The following FGD4 variants were observed in gnomAD, a reference collection of about 807,000 sequenced individuals.
FGD4 encodes FYVE, RhoGEF and PH domain-containing protein 4.
FGD4 carries 42 observed loss-of-function variants against 102.0 expected under a neutral mutation model. The ratio of observed to expected loss-of-function variants is 0.41; its 90% CI spans 0.32 to 0.53. The LOEUF is 0.53. FGD4 is among the 20% of genes least tolerant of loss of function. The probability of loss-of-function intolerance (pLI) is 0.21; values close to 1 mark genes in which losing one functional copy is unlikely to be tolerated. For missense variants in FGD4, 902 were observed against 1,078.2 expected (o/e 0.84, Z 2.29); for synonymous variants, 380 against 375.7 (o/e 1.01, Z -0.13).
At chr12:32,585,222 T>TATATATATATATATATA (rs1946909558) in intron 4 of FGD4, among the ~76,000 whole-genome samples, 1 of 116,142 alleles carries the variant, frequency 8.6e-6, no homozygotes, top group Non-Finnish European at 1.8e-5. Context: ...CTCAAAAATT[T>TATATATATATATATATA]TATATATATA....
intron 1 of FGD4, among the ~76,000 whole-genome samples, chr12:32,524,608 T>A (rs1940948013): frequency 6.6e-6 from 1 of 151,786 alleles, no homozygotes; most frequent in Non-Finnish European, 1.5e-5. Context: ...GAGGACCGCT[T>A]GAGCCTAGGA....
chr12:32,604,294 T>G (rs1948624519), intron 7 of FGD4, among the ~76,000 whole-genome samples: 1 of 152,164 alleles, frequency 6.6e-6, no homozygotes, highest in Non-Finnish European at 1.5e-5. Flanking sequence ...AAATATTTTC[T>G]GTCCTTTTCA....
intron 1 of FGD4, among the ~76,000 whole-genome samples, chr12:32,419,856 G>T (rs1023833344): frequency 6.6e-6 from 1 of 152,050 alleles, no homozygotes; most frequent in African/African-American, 2.4e-5. Flanking sequence ...GGGCAGCACT[G>T]AGTTCAAAGC....
chr12:32,485,582 A>G (rs1330604109), intron 1 of FGD4, among the ~76,000 whole-genome samples: 1 of 151,258 alleles, frequency 6.6e-6, no homozygotes, highest in Non-Finnish European at 1.5e-5. Flanking sequence ...CTGGGACTAC[A>G]GGCGCCTGCC....
At chr12:32,557,773 G>A (rs536451011) in intron 1 of FGD4, among the ~76,000 whole-genome samples, 2 of 152,088 alleles carry the variant, frequency 1.3e-5, no homozygotes, top group Non-Finnish European at 2.9e-5. Context: ...TAAACTATGA[G>A]TTTTATAACC....
intron 1 of FGD4, among the ~76,000 whole-genome samples, chr12:32,463,214 T>A (rs1189937548): frequency 6.6e-6 from 1 of 152,192 alleles, no homozygotes; most frequent in African/African-American, 2.4e-5. Flanking sequence ...TTCAAAACAA[T>A]AACCATTACC....
At chr12:32,493,384 C>T (rs1243744269) in intron 1 of FGD4, among the ~76,000 whole-genome samples, 1 of 152,150 alleles carries the variant, frequency 6.6e-6, no homozygotes, top group African/African-American at 2.4e-5. Context: ...TCCTTTGAGC[C>T]CTACTCTGTT....
intron 1 of FGD4, among the ~76,000 whole-genome samples, chr12:32,414,360 TACAGGCATGCA>T: frequency 6.6e-6 from 1 of 152,280 alleles, no homozygotes; most frequent in Admixed American, 6.5e-5. Flanking sequence ...GGTACTTTGA[TACAGGCATGCA>T]ACGGGTAATA....
At chr12:32,611,578 C>T (rs1369210177) in intron 10 of FGD4, among the ~76,000 whole-genome samples, 1 of 151,898 alleles carries the variant, frequency 6.6e-6, no homozygotes, top group East Asian at 1.9e-4. Context: ...AATGACAGAG[C>T]GAGACTCCAT....
At chr12:32,539,430 G>C (rs1020646215) in intron 1 of FGD4, among the ~76,000 whole-genome samples, 5 of 152,122 alleles carry the variant, frequency 3.3e-5, no homozygotes, top group Admixed American at 2.0e-4. Context: ...TTAGCTGGGC[G>C]TAGTGGCACA....
chr12:32,557,317 C>T (rs543948083), intron 1 of FGD4, among the ~76,000 whole-genome samples: 10 of 152,334 alleles, frequency 6.6e-5, no homozygotes, highest in African/African-American at 2.4e-4. Flanking sequence ...TCTCACCTCA[C>T]CTCCATCTGC....
intron 1 of FGD4, among the ~76,000 whole-genome samples, chr12:32,469,847 T>C (rs767269700): frequency 4.0e-5 from 6 of 151,196 alleles, no homozygotes; most frequent in Non-Finnish European, 7.4e-5. Context: ...TTAGTAGATA[T>C]GGGGTTTCTC....
chr12:32,640,964 G>T lies in FGD4; in HGVS notation c.*431G>T, dbSNP rs925833950. 1 of 241,894 alleles carries T rather than the reference G, an allele frequency of 4.1e-6. No homozygotes were observed. Among genetic ancestry groups the T allele is most frequent in the Non-Finnish European group, 8.0e-6 (1 of 124,792 alleles). 15.0% of individuals were successfully genotyped at this position (241,894 alleles called of 1,614,324 possible). ...GGTGAAAAATACAGGGACAGTTGAG[G>T]CTATTGTATTAACTTATTTAATTTA... On this transcript the variant is annotated 3_prime_UTR_variant, in exon 17 of 17. Transcript: ENST00000534526.
chr12:32,439,101 T>C (rs1300156813), intron 1 of FGD4, among the ~76,000 whole-genome samples: 1 of 152,182 alleles, frequency 6.6e-6, no homozygotes, highest in Admixed American at 6.6e-5. Flanking sequence ...TTTGTATCCT[T>C]TGACCAAACA....
intron 15 of FGD4, among the ~76,000 whole-genome samples, chr12:32,637,409 A>T (rs950956709): frequency 6.6e-6 from 1 of 151,418 alleles, no homozygotes; most frequent in Non-Finnish European, 1.5e-5. Flanking sequence ...ATCCTGGCTA[A>T]CACAGTTAAA....
At chr12:32,508,490 T>C (rs1939019413) in intron 1 of FGD4, among the ~76,000 whole-genome samples, 1 of 152,224 alleles carries the variant, frequency 6.6e-6, no homozygotes, top group African/African-American at 2.4e-5. Flanking sequence ...TTGTCATATC[T>C]TATTCTTGAT....
At chr12:32,619,326 C>G (rs1949650663) in intron 10 of FGD4, among the ~76,000 whole-genome samples, 1 of 152,056 alleles carries the variant, frequency 6.6e-6, no homozygotes, top group East Asian at 1.9e-4. Flanking sequence ...CTAGGGCTAC[C>G]TTTAAAATTG....
At chr12:32,450,878 T>G (rs1942755048) in intron 1 of FGD4, among the ~76,000 whole-genome samples, 1 of 152,202 alleles carries the variant, frequency 6.6e-6, no homozygotes, top group Non-Finnish European at 1.5e-5. Flanking sequence ...CCTAACTTAC[T>G]TACTTAGTCA....
intron 7 of FGD4, among the ~76,000 whole-genome samples, chr12:32,606,744 G>A (rs1194376420): frequency 2.0e-5 from 3 of 151,854 alleles, no homozygotes; most frequent in Non-Finnish European, 4.4e-5. Flanking sequence ...TACTTTAATG[G>A]GATTTCTGCT....
Sources: gnomAD v4.1 joint callset for allele counts (sites outside exome capture counted in the v4.1 genomes callset) on GRCh38, gnomAD v4.1.1 for gene constraint, MANE v1.5 for transcripts, NCBI Gene and HGNC (gene_info 2026-07-23, HGNC 2026-07-21) for gene names.